The following LPP variants were observed in gnomAD, a reference collection of about 807,000 sequenced individuals.
The protein encoded by LPP is LIM domain containing preferred translocation partner in lipoma.
LPP carries 38 observed loss-of-function variants against 60.4 expected under a neutral mutation model. The ratio of observed to expected loss-of-function variants is 0.63; its 90% CI spans 0.49 to 0.83. The LOEUF (loss-of-function observed/expected upper bound fraction) is 0.83. Ranked by LOEUF, LPP falls within the 40% of genes least tolerant of loss-of-function variation. LPP has a pLI of 0.00. For synonymous variants in LPP, 328 were observed against 290.8 expected (o/e 1.13, Z -1.30); for missense variants, 902 against 783.6 (o/e 1.15, Z -1.80).
intron 1 of LPP, among the ~76,000 whole-genome samples, chr3:188,158,506 G>A (rs534142701): frequency 6.6e-6 from 1 of 152,280 alleles, no homozygotes; most frequent in South Asian, 2.1e-4. Context: ...ATTGGTAGGT[G>A]GATAGGTAGC....
intron 9 of LPP, among the ~76,000 whole-genome samples, chr3:188,863,180 A>C: frequency 6.6e-6 from 1 of 152,172 alleles, no homozygotes; most frequent in East Asian, 1.9e-4. Flanking sequence ...ATTGTTGTTA[A>C]TACTGATTTA....
intron 1 of LPP, chr3:188,179,434 C>T: frequency 2.2e-6 from 1 of 457,890 alleles, no homozygotes; most frequent in Non-Finnish European, 4.4e-6. Context: ...GACATTCTGT[C>T]CTTTGGGTCC....
chr3:188,592,557 G>GTTTTTTTTTTTTTTTTTTTTTTTTTT (rs1553936333), intron 6 of LPP, among the ~76,000 whole-genome samples: 1 of 85,750 alleles, frequency 1.2e-5, no homozygotes, highest in Admixed American at 1.3e-4. Context: ...TTTTGTTTTT[G>GTTTTTTTTTTTTTTTTTTTTTTTTTT]TTTTTTAAAT....
At chr3:188,524,971 C>CTTTT (rs540192956) in intron 6 of LPP, among the ~76,000 whole-genome samples, 184 bp downstream of exon 6, 4 of 119,306 alleles carry the variant, frequency 3.4e-5, no homozygotes, top group South Asian at 2.7e-4. Context: ...CTTTCTTTCT[C>CTTTT]TTTTTTTTTT....
At chr3:188,243,004 T>C (rs60491864) in intron 2 of LPP, among the ~76,000 whole-genome samples, 2,585 of 152,312 alleles carry the variant, frequency 0.017, 68 homozygotes, top group African/African-American at 0.056. Context: ...AGATACTTGC[T>C]ATATTGTTTA....
intron 8 of LPP, among the ~76,000 whole-genome samples, chr3:188,742,731 G>A (rs999639522): frequency 2.0e-5 from 3 of 152,102 alleles, no homozygotes; most frequent in African/African-American, 7.2e-5. Flanking sequence ...CCAGATCCTG[G>A]TAATGGAGGC....
intron 9 of LPP, among the ~76,000 whole-genome samples, chr3:188,863,732 A>C (rs1483723524): frequency 6.6e-6 from 1 of 152,156 alleles, no homozygotes; most frequent in East Asian, 1.9e-4. Flanking sequence ...GCTGATTTTA[A>C]TCACATTTTA....
At chr3:188,193,920 C>T (rs1160109772) in intron 1 of LPP, among the ~76,000 whole-genome samples, 1 of 152,116 alleles carries the variant, frequency 6.6e-6, no homozygotes, top group Non-Finnish European at 1.5e-5. Flanking sequence ...TTGGGGGTCA[C>T]ATAAAGGGAA....
chr3:188,746,541 C>G, intron 8 of LPP: 1 of 488,318 alleles, frequency 2.0e-6, no homozygotes, highest in Non-Finnish European at 4.1e-6. Context: ...TGAAGACCTT[C>G]AACTTTGCAC....
chr3:188,386,206 T>G (rs1227333040), intron 3 of LPP, among the ~76,000 whole-genome samples: 1 of 151,470 alleles, frequency 6.6e-6, no homozygotes, highest in Admixed American at 6.6e-5. Flanking sequence ...TAGAAGTGGT[T>G]GCTCAGTCTC....
At chr3:188,646,220 CT>C (rs1851076246) in intron 7 of LPP, among the ~76,000 whole-genome samples, 1 of 152,090 alleles carries the variant, frequency 6.6e-6, no homozygotes, top group East Asian at 1.9e-4. Context: ...TCAGTGTTTT[CT>C]TCTTTTTCCT....
Position 188,738,227 on chromosome 3 carries a change from C to T in LPP, c.1241-21886C>T, listed in dbSNP as rs116478380. On this transcript the variant is annotated intron_variant, in intron 8 of 11. Transcript: ENST00000617246. ...TTTTTCAAATGATGATGATCGGTCACGTTGTGAATCTGTAGACTCCTTTGC... is the reference window on the plus strand; with the variant it reads ...TTTTTCAAATGATGATGATCGGTCATGTTGTGAATCTGTAGACTCCTTTGC... 5.7e-3 allele frequency among the ~76,000 whole-genome samples: 865 copies of T among 152,140 alleles called. 9 individuals are homozygous for T. Among genetic ancestry groups the T allele is most frequent in the African/African-American group, 0.02 (835 of 41,538 alleles).
chr3:188,683,179 C>T (rs1859905291), intron 7 of LPP, among the ~76,000 whole-genome samples: 1 of 151,942 alleles, frequency 6.6e-6, no homozygotes, highest in Admixed American at 6.6e-5. Flanking sequence ...TCTCCAAGGC[C>T]TATTTTTAAA....
intron 2 of LPP, among the ~76,000 whole-genome samples, chr3:188,280,922 A>C (rs1200666859): frequency 7.2e-6 from 1 of 139,758 alleles, no homozygotes; most frequent in South Asian, 2.3e-4. Context: ...TAATGATAGG[A>C]CGACAAAGGA....
intron 3 of LPP, among the ~76,000 whole-genome samples, chr3:188,362,105 C>T (rs148231172): frequency 1.3e-3 from 203 of 152,078 alleles, no homozygotes; most frequent in African/African-American, 4.3e-3. Context: ...TTTCCGTGGG[C>T]GTGAGTATGA....
intron 3 of LPP, among the ~76,000 whole-genome samples, chr3:188,362,773 A>T (rs1033305212): frequency 6.6e-6 from 1 of 152,186 alleles, no homozygotes; most frequent in Non-Finnish European, 1.5e-5. Context: ...ATCTGTTAGA[A>T]TACGTCAGCT....
intron 6 of LPP, among the ~76,000 whole-genome samples, chr3:188,575,972 G>A (rs1424337547): frequency 6.6e-6 from 1 of 152,134 alleles, no homozygotes; most frequent in Non-Finnish European, 1.5e-5. Context: ...GCATGGAAAT[G>A]TTTGGAAAGA....
At chr3:188,637,821 T>C (rs1212587022) in intron 7 of LPP, among the ~76,000 whole-genome samples, 2 of 152,194 alleles carry the variant, frequency 1.3e-5, no homozygotes, top group Non-Finnish European at 2.9e-5. Flanking sequence ...CAGGAAGAAG[T>C]TGAATCTCTG....
intron 5 of LPP, among the ~76,000 whole-genome samples, chr3:188,492,099 A>G (rs983146123): frequency 6.6e-6 from 1 of 152,180 alleles, no homozygotes; most frequent in Non-Finnish European, 1.5e-5. Flanking sequence ...GACAAAAAAA[A>G]GTCTTGTGGG....
Sources: gnomAD v4.1 joint callset for allele counts (sites outside exome capture counted in the v4.1 genomes callset) on GRCh38, gnomAD v4.1.1 for gene constraint, MANE v1.5 for transcripts, NCBI Gene and HGNC (gene_info 2026-07-23, HGNC 2026-07-21) for gene names.